SCAF11: variants seen among roughly 807,000 people sequenced by gnomAD.
SCAF11 encodes the protein SR-related CTD associated factor 11, also known as protein SCAF11.
SCAF11 carries 47 observed loss-of-function variants against 140.5 expected under a neutral mutation model. The observed-to-expected ratio is 0.33, with a 90% CI of 0.26 to 0.43. The LOEUF (loss-of-function observed/expected upper bound fraction) is 0.43, where lower values mean the gene tolerates loss of function less well. SCAF11 is among the 20% of genes least tolerant of loss of function. The probability of loss-of-function intolerance (pLI) is 1.00; values close to 1 mark genes in which losing one functional copy is unlikely to be tolerated. For synonymous variants in SCAF11, 557 were observed against 579.4 expected (o/e 0.96, Z 0.55); for missense variants, 1,645 against 1,705.1 (o/e 0.96, Z 0.62).
chr12:45,960,235 T>C (rs1018699964), intron 3 of SCAF11, among the ~76,000 whole-genome samples: 9 of 152,160 alleles, frequency 5.9e-5, no homozygotes, highest in African/African-American at 2.2e-4. Flanking sequence ...AAAGAAAGGA[T>C]GGAGAACCAT....
At chr12:45,952,229 T>G (rs1945566871) in intron 3 of SCAF11, among the ~76,000 whole-genome samples, 1 of 152,176 alleles carries the variant, frequency 6.6e-6, no homozygotes, top group African/African-American at 2.4e-5. Context: ...GCCACCTAGA[T>G]GGCCACTCCA....
At chr12:45,972,969 TAG>T (rs1166228184) in intron 1 of SCAF11, among the ~76,000 whole-genome samples, 19 of 138,846 alleles carry the variant, frequency 1.4e-4, no homozygotes, top group African/African-American at 3.9e-4. Flanking sequence ...GATATATATA[TAG>T]ATATATAGAT....
rs1347390782 is a variant in SCAF11, at chr12:45,927,613, C to A, written c.2088G>T (p.Glu696Asp). 1.9e-6 allele frequency: 3 copies of A among 1,612,930 alleles called. No individual in the cohort carries two copies. In the African/African-American group the frequency reaches 4.0e-5, roughly 22 times the overall value. ...ESLTEHPRST[E>D]LPKTHIEQIQ... Reference sequence around the variant, plus strand: ...TCTGTTCAATGTGTGTTTTAGGCAACTCTGTAGATCTAGGATGTTCGGTCA... The same window carrying A: ...TCTGTTCAATGTGTGTTTTAGGCAAATCTGTAGATCTAGGATGTTCGGTCA... Residue 696 changes from glutamate to aspartate, a missense_variant, in exon 11 of 15, where the codon GAG (glutamate) becomes GAT (aspartate). This residue lies in a region of SCAF11 where 1,582 missense variants were observed against 1,609.2 expected (regional missense o/e 0.98). Transcript: ENST00000369367.
chr12:45,956,964 A>G (rs1229614784), intron 3 of SCAF11, among the ~76,000 whole-genome samples: 5 of 152,180 alleles, frequency 3.3e-5, no homozygotes, highest in African/African-American at 1.2e-4. Context: ...CAGGGTGAAA[A>G]TAGTGGTGGA....
In SCAF11 at chr12:45,927,259, G is replaced by T; in HGVS notation, c.2442C>A (p.Pro814=). ...NKDTPQEKKR[P]QSPSPRRETG... ...TTTCTCTTCTGGGAGATGGAGACTG[G>T]GGCCGCTTCTTTTCTTGTGGAGTGT... Residue 814 remains proline, a synonymous_variant, in exon 11 of 15, where the codon CCC becomes CCA. Coordinates refer to ENST00000369367, the MANE Select transcript of SCAF11 (RefSeq NM_004719.3). 2 of 1,613,842 alleles carry T rather than the reference G, an allele frequency of 1.2e-6. No individual in the cohort carries two copies. The highest frequency in any genetic ancestry group is 1.7e-6 in the Non-Finnish European group (2 of 1,179,956).
intron 1 of SCAF11, among the ~76,000 whole-genome samples, chr12:45,972,959 G>GAT (rs879822532): frequency 5.1e-5 from 6 of 117,924 alleles, no homozygotes; most frequent in South Asian, 5.1e-4. Flanking sequence ...TAGATATATA[G>GAT]ATATATATAT....
At chr12:45,964,572 C>T (rs1051485476) in intron 1 of SCAF11, among the ~76,000 whole-genome samples, 2 of 151,492 alleles carry the variant, frequency 1.3e-5, no homozygotes, top group African/African-American at 2.4e-5. Flanking sequence ...GAGGTTGAGG[C>T]AGGAGAATGG....
At chr12:45,972,961 T>TATCGATATATAG (rs1946136880) in intron 1 of SCAF11, among the ~76,000 whole-genome samples, 4 of 82,306 alleles carry the variant, frequency 4.9e-5, no homozygotes, top group East Asian at 4.9e-4. Context: ...GATATATAGA[T>TATCGATATATAG]ATATATATAG....
intron 6 of SCAF11, among the ~76,000 whole-genome samples, chr12:45,943,355 A>G (rs1272352984): frequency 6.6e-6 from 1 of 152,204 alleles, no homozygotes; most frequent in Non-Finnish European, 1.5e-5. Flanking sequence ...TCTGAATAAC[A>G]TGATGAAATC....
At chr12:45,938,287 CG>C (rs1945215843) in intron 6 of SCAF11, among the ~76,000 whole-genome samples, 2 of 152,160 alleles carry the variant, frequency 1.3e-5, no homozygotes, top group African/African-American at 2.4e-5. Context: ...GTCAGGAGTT[CG>C]AGACCAGCCT....
intron 1 of SCAF11, among the ~76,000 whole-genome samples, chr12:45,964,608 A>G (rs1945900410): frequency 6.6e-6 from 1 of 151,770 alleles, no homozygotes; most frequent in African/African-American, 2.4e-5. Context: ...CAAAGCTTGC[A>G]GTGAGCCCAG....
At chr12:45,961,508 T>C in intron 3 of SCAF11, 192 bp downstream of exon 3, 1 of 585,994 alleles carries the variant, frequency 1.7e-6, no homozygotes, top group Non-Finnish European at 3.0e-6. Flanking sequence ...TAAAATATTA[T>C]TTGCAAAATC....
At chr12:45,970,053 G>A (rs560841999) in intron 1 of SCAF11, among the ~76,000 whole-genome samples, 22 of 152,274 alleles carry the variant, frequency 1.4e-4, no homozygotes, top group Non-Finnish European at 2.5e-4. Context: ...CCGCCACCAC[G>A]CCCAGCTAAT....
At chr12:45,949,296 T>A (rs1945495793) in intron 4 of SCAF11, among the ~76,000 whole-genome samples, 1 of 152,144 alleles carries the variant, frequency 6.6e-6, no homozygotes, top group South Asian at 2.1e-4. Context: ...TAAATTGGAA[T>A]GTGCCGCAAG....
chr12:45,972,869 T>TATATATATAG (rs1946112214), intron 1 of SCAF11, among the ~76,000 whole-genome samples: 38 of 54,338 alleles, frequency 7.0e-4, no homozygotes, highest in African/African-American at 2.6e-3. Context: ...TATATCGATA[T>TATATATATAG]ATATATATAT....
intron 1 of SCAF11, among the ~76,000 whole-genome samples, chr12:45,989,101 T>G (rs997933526): frequency 6.6e-6 from 1 of 152,176 alleles, no homozygotes; most frequent in African/African-American, 2.4e-5. Context: ...AAAGCAATTG[T>G]TTAGAAACAG....
chr12:45,991,658 G>A (rs1308105781), upstream of SCAF11, among the ~76,000 whole-genome samples: 2 of 152,148 alleles, frequency 1.3e-5, no homozygotes, highest in African/African-American at 4.8e-5. Flanking sequence ...TTCCCCCGGC[G>A]GGTTGTTAAA....
Position 45,966,689 on chromosome 12 carries a change from G to C in SCAF11, c.-21-2501C>G, listed in dbSNP as rs149110091. On this transcript the variant is annotated intron_variant, in intron 1 of 14. Transcript: ENST00000369367. ...TTCCAGGCTAAGCATTCTTGGCAGA[G>C]AGAATAGCCAATATGAAAGTCCTAA... 3.6e-4 allele frequency among the ~76,000 whole-genome samples: 55 copies of C among 152,192 alleles called. 1 individual carries two copies. The highest frequency in any genetic ancestry group is 1.2e-3 in the African/African-American group (50 of 41,518).
At chr12:45,981,612 A>G (rs1410519388) in intron 1 of SCAF11, among the ~76,000 whole-genome samples, 1 of 152,170 alleles carries the variant, frequency 6.6e-6, no homozygotes, top group Non-Finnish European at 1.5e-5. Context: ...GATTAACTCT[A>G]GACTGTTCAC....
Sources: allele counts gnomAD v4.1 joint callset (sites outside exome capture counted in the v4.1 genomes callset), GRCh38; gene constraint gnomAD v4.1.1; regional missense constraint gnomAD v4.1.1; transcripts MANE v1.5; gene names NCBI Gene and HGNC (gene_info 2026-07-23, HGNC 2026-07-21).